MEDAG: variants seen among roughly 807,000 people sequenced by gnomAD.
MEDAG encodes the protein mesenteric estrogen-dependent adipogenesis protein.
MEDAG carries 25 observed loss-of-function variants against 29.9 expected under a neutral mutation model. The observed-to-expected ratio is 0.84, with a 90% CI of 0.61 to 1.17. The LOEUF (loss-of-function observed/expected upper bound fraction) is 1.17, where lower values mean the gene tolerates loss of function less well. Ranked by LOEUF, MEDAG falls within the 50% of genes most tolerant of loss-of-function variation. The pLI, the probability that MEDAG is intolerant of heterozygous loss-of-function variation, is 0.00. For missense variants in MEDAG, 398 were observed against 372.9 expected, an observed-to-expected ratio of 1.07 and a Z score of -0.56; for synonymous variants, 158 against 148.2, an observed-to-expected ratio of 1.07 and a Z score of -0.48.
In MEDAG at chr13:30,917,521, C is replaced by T. The variant is rs940122276; in HGVS notation, c.388+9C>T. On this transcript the variant is annotated intron_variant, in intron 2 of 4. Transcript: ENST00000380482. ...AAAAGACACCTCAAAAGGTAAGTATCTATATTAGTCCATTTTCACACTGCT... is the reference window on the plus strand; with the variant it reads ...AAAAGACACCTCAAAAGGTAAGTATTTATATTAGTCCATTTTCACACTGCT... The T allele has an allele frequency of 6.4e-6, 9 of 1,405,950 alleles. No homozygotes were observed. In the African/African-American group the frequency reaches 8.6e-5, roughly 13 times the overall value. 87.1% of individuals were successfully genotyped at this position (1,405,950 alleles called of 1,614,324 possible).
chr13:30,913,787 T>C (rs1952902379), intron 1 of MEDAG, among the ~76,000 whole-genome samples: 1 of 151,624 alleles, frequency 6.6e-6, no homozygotes, highest in Non-Finnish European at 1.5e-5. Context: ...ACACCTGTAA[T>C]CCCAGCACTT....
intron 1 of MEDAG, among the ~76,000 whole-genome samples, chr13:30,908,560 GC>G (rs1952851100): frequency 6.6e-6 from 1 of 152,140 alleles, no homozygotes; most frequent in Non-Finnish European, 1.5e-5. Context: ...GAGAGGTTCT[GC>G]CCTCGGGAAT....
chr13:30,921,498 T>G, intron 3 of MEDAG, 63 bp from the exon 4 acceptor site: 3 of 1,462,752 alleles, frequency 2.1e-6, no homozygotes, highest in Non-Finnish European at 2.8e-6. Flanking sequence ...CGGTTGTTAG[T>G]TCTACAATGT....
rs1289891226 is a variant in MEDAG, at chr13:30,908,523, G to A, written c.278+1730G>A. Among the ~76,000 whole-genome samples, 3 of 152,144 alleles carry A rather than the reference G, an allele frequency of 2.0e-5. 1 individual carries two copies. Among genetic ancestry groups the A allele is most frequent in the Non-Finnish European group, 4.4e-5 (3 of 68,020 alleles). On this transcript the variant is annotated intron_variant, in intron 1 of 4. Transcript: ENST00000380482. ...AATGGAGACAGCCTTCCAGGCAGAG[G>A]GGGAGGACTGGACTGTGGGCAGCAG... is the stretch of plus-strand genomic sequence containing the variant.
chr13:30,906,721 G>C lies in MEDAG; in HGVS notation c.206G>C (p.Gly69Ala), dbSNP rs964600358. ...RPGEPAAARG[G>A]FNVFGDGLVR... ...GGGGAGCCGGCGGCGGCGCGGGGGG[G>C]CTTCAACGTCTTCGGTGACGGCCTC... Residue 69 changes from glycine (G) to alanine (A), a missense_variant, in exon 1 of 5, where the codon GGC becomes GCC. Transcript: ENST00000380482. The C allele has an allele frequency of 7.2e-6, 11 of 1,517,832 alleles. No homozygotes were observed. Among genetic ancestry groups the C allele is most frequent in the East Asian group, 2.5e-5 (1 of 40,156 alleles). 94.0% of individuals were successfully genotyped at this position (1,517,832 alleles called of 1,614,324 possible).
At position 30,924,573 on chromosome 13, in the gene MEDAG, A is replaced by C; in HGVS notation, c.*138A>C. ...GGCTCCTCCATGGCTTCTATGGAGG[A>C]CTCCTCTCTTCTGCTTCTGTGGATG... On this transcript the variant is annotated 3_prime_UTR_variant, in exon 5 of 5. Coordinates refer to ENST00000380482, the MANE Select transcript of MEDAG (RefSeq NM_032849.4). The C allele has an allele frequency of 1.2e-6, 1 of 840,936 alleles. No individual in the cohort carries two copies. Among genetic ancestry groups the C allele is most frequent in the South Asian group, 2.1e-5 (1 of 48,290 alleles). 52.1% of individuals were successfully genotyped at this position (840,936 alleles called of 1,614,324 possible).
At chr13:30,915,862 A>T (rs1436177812) in intron 1 of MEDAG, among the ~76,000 whole-genome samples, 7 of 150,846 alleles carry the variant, frequency 4.6e-5, no homozygotes, top group Non-Finnish European at 1.0e-4. Context: ...CCTCTCCTCT[A>T]CTCCTGCCAT....
At position 30,906,551 on chromosome 13, in the gene MEDAG, G is replaced by C. The variant is rs1348944272; in HGVS notation, c.36G>C (p.Pro12=). 4 of 1,555,988 alleles carry C rather than the reference G, an allele frequency of 2.6e-6. No individual in the cohort carries two copies. The highest frequency in any genetic ancestry group is 3.4e-6 in the Non-Finnish European group (4 of 1,159,790). Residue 12 remains proline, a synonymous_variant, in exon 1 of 5, where the codon CCG becomes CCC. Coordinates refer to ENST00000380482, the MANE Select transcript of MEDAG (RefSeq NM_032849.4). The part of the protein sequence containing the change: ...AGAACEPVAR[P]SLTSISSGEL... ...CGGCCTGCGAGCCGGTGGCCAGGCC[G>C]AGCCTGACCTCCATCTCGTCTGGGG...
chr13:30,922,100 T>C (rs1952993028), intron 4 of MEDAG: 1 of 301,802 alleles, frequency 3.3e-6, no homozygotes, highest in Non-Finnish European at 6.0e-6. Flanking sequence ...ACTTTAAATA[T>C]TATTATTAAT....
At chr13:30,918,396 A>G (rs1217082551) in intron 2 of MEDAG, among the ~76,000 whole-genome samples, 1 of 152,206 alleles carries the variant, frequency 6.6e-6, no homozygotes, top group Admixed American at 6.5e-5. Context: ...AGGTGCTTAC[A>G]CTATTCCCAT....
At chr13:30,907,253 C>T (rs1952839870) in intron 1 of MEDAG, among the ~76,000 whole-genome samples, 1 of 152,180 alleles carries the variant, frequency 6.6e-6, no homozygotes, top group South Asian at 2.1e-4. Flanking sequence ...CACTGCCAGC[C>T]CTCTCCAGTG....
chr13:30,914,184 C>T lies in MEDAG; in HGVS notation c.279-3219C>T, dbSNP rs1393124462. Among the ~76,000 whole-genome samples, 7 of 152,124 alleles carry T rather than the reference C, an allele frequency of 4.6e-5. No homozygotes were observed. The South Asian group carries it at 6.2e-4, about 14-fold the overall frequency. On this transcript the variant is annotated intron_variant, in intron 1 of 4. Transcript: ENST00000380482. ...TGTGCACCTTAACAACTAAATTCTC[C>T]GATCTTATCGTGTTTTAGTGAATGC...
chr13:30,921,332 G>T (rs923905314), intron 3 of MEDAG, among the ~76,000 whole-genome samples: 6 of 152,176 alleles, frequency 3.9e-5, no homozygotes, highest in Non-Finnish European at 8.8e-5. Flanking sequence ...ATTAGAAATG[G>T]GTAAGAATAA....
At position 30,921,679 on chromosome 13, in the gene MEDAG, G is replaced by A; in HGVS notation, c.620G>A (p.Trp207Ter). ...KADALFDFFYWFGLSNSVVKV... is the reference protein window; with the variant it reads ...KADALFDFFY ...GATGCATTATTTGATTTCTTCTATT[G>A]GTTTGGGCTCAGTAATTCCGTTGTA... is the stretch of plus-strand genomic sequence containing the variant. The change falls in exon 4 of 5, where the codon TGG becomes TAG. Residue 207 changes from tryptophan (W) to a stop codon, truncating the protein, a stop_gained. Transcript: ENST00000380482. LOFTEE classifies it high-confidence loss of function. 6.2e-7 allele frequency: 1 copy of A among 1,614,026 alleles called. No individual in the cohort carries two copies. The highest frequency in any genetic ancestry group is 8.5e-7 in the Non-Finnish European group (1 of 1,179,982).
At position 30,906,609 on chromosome 13, in the gene MEDAG, C is replaced by G; in HGVS notation, c.94C>G (p.Leu32Val). ...LRSLWTCDCE[L>V]ALLPLAQLLR... ...CAGCCTGTGGACCTGCGACTGCGAG[C>G]TGGCCCTGCTGCCGCTGGCTCAGCT... The change falls in exon 1 of 5, where the codon CTG becomes GTG. Residue 32 changes from leucine to valine, a missense_variant. Leu to Val is a conservative substitution (Grantham distance 32, BLOSUM62 1). Coordinates refer to ENST00000380482, the MANE Select transcript of MEDAG (RefSeq NM_032849.4). The G allele has an allele frequency of 1.9e-6, 3 of 1,585,334 alleles. No individual in the cohort carries two copies. The highest frequency in any genetic ancestry group is 2.6e-6 in the Non-Finnish European group (3 of 1,174,602).
chr13:30,923,062 A>T (rs1953004147), intron 4 of MEDAG, among the ~76,000 whole-genome samples: 1 of 152,148 alleles, frequency 6.6e-6, no homozygotes, highest in Non-Finnish European at 1.5e-5. Context: ...CTGGGACTAC[A>T]GGTGTGTGCC....
intron 4 of MEDAG, among the ~76,000 whole-genome samples, chr13:30,923,425 A>C (rs1953008838): frequency 6.8e-6 from 1 of 147,386 alleles, no homozygotes; most frequent in African/African-American, 2.5e-5. Context: ...CATCTCTTCC[A>C]TCTCCATTTC....
Position 30,924,449 on chromosome 13 carries a change from T to A in MEDAG, c.*14T>A, listed in dbSNP as rs2138131486. On this transcript the variant is annotated 3_prime_UTR_variant, in exon 5 of 5. Transcript: ENST00000380482. The stretch of plus-strand genomic sequence containing the variant: ...CAATTTATCTGATTGAACTGAACAT[T>A]GTAGCAGTTGCTCCCGCACTCCAGG... 1 of 1,612,902 alleles carries A rather than the reference T, an allele frequency of 6.2e-7. No homozygotes were observed. Among genetic ancestry groups the A allele is most frequent in the East Asian group, 2.2e-5 (1 of 44,836 alleles).
At chr13:30,923,166 C>T (rs988227652) in intron 4 of MEDAG, among the ~76,000 whole-genome samples, 1 of 152,280 alleles carries the variant, frequency 6.6e-6, no homozygotes, top group African/African-American at 2.4e-5. Context: ...AGTGATCCAA[C>T]TGCCTCAGCC....
Sources: allele counts gnomAD v4.1 joint callset (sites outside exome capture counted in the v4.1 genomes callset), GRCh38; gene constraint gnomAD v4.1.1; transcripts MANE v1.5; gene names NCBI Gene and HGNC (gene_info 2026-07-23, HGNC 2026-07-21).